PPARGC1B: variants seen among roughly 807,000 people sequenced by gnomAD.
The protein encoded by PPARGC1B is PPARG coactivator 1 beta, also known as peroxisome proliferator-activated receptor gamma coactivator 1-beta.
A neutral mutation model predicts 101.6 loss-of-function variants in PPARGC1B; 34 were observed. That is an observed-to-expected ratio of 0.33 (90% confidence interval 0.25 to 0.45). The LOEUF is 0.45. Ranked by LOEUF, PPARGC1B falls within the 20% of genes least tolerant of loss-of-function variation. PPARGC1B has a pLI of 1.00. For missense variants in PPARGC1B, 1,234 were observed against 1,317.6 expected (o/e 0.94, Z 0.98); for synonymous variants, 548 against 539.3 (o/e 1.02, Z -0.22).
chr5:149,732,996 G>C (rs747984978), intron 1 of PPARGC1B: 7 of 209,028 alleles, frequency 3.3e-5, no homozygotes, highest in African/African-American at 1.7e-4. Context: ...TGGTGGTGCC[G>C]CAAGAGAATC....
At position 149,730,333 on chromosome 5, in the gene PPARGC1B, C is replaced by T. The variant is rs1193234232; in HGVS notation, c.-10C>T. On this transcript the variant is annotated 5_prime_UTR_variant, in exon 1 of 12. Coordinates refer to ENST00000309241, the MANE Select transcript of PPARGC1B (RefSeq NM_133263.4). This position sits in a 1 kb window ranked among gnomAD's most constrained non-coding sequence, Gnocchi z 4.0. Reference sequence around the variant, plus strand: ...TTGACTCCGCCGCACGCTGCAGCCGCGGCTGGAAGATGGCGGGGAACGACT... The same window carrying T: ...TTGACTCCGCCGCACGCTGCAGCCGTGGCTGGAAGATGGCGGGGAACGACT... The T allele has an allele frequency of 1.3e-6, 2 of 1,554,664 alleles. No homozygotes were observed. Among genetic ancestry groups the T allele is most frequent in the African/African-American group, 1.4e-5 (1 of 71,138 alleles).
intron 1 of PPARGC1B, among the ~76,000 whole-genome samples, chr5:149,783,046 G>A (rs191654054): frequency 1.3e-4 from 20 of 152,112 alleles, no homozygotes; most frequent in African/African-American, 4.3e-4. Context: ...GTGGGCAGTG[G>A]AACTCCTGGG....
chr5:149,797,834 T>G (rs1757282884), intron 1 of PPARGC1B, among the ~76,000 whole-genome samples: 1 of 152,128 alleles, frequency 6.6e-6, no homozygotes, highest in Non-Finnish European at 1.5e-5. Flanking sequence ...GGCAGGAGAA[T>G]TGCTTGAATC....
At chr5:149,755,020 A>T (rs1755456653) in intron 1 of PPARGC1B, among the ~76,000 whole-genome samples, 2 of 142,344 alleles carry the variant, frequency 1.4e-5, no homozygotes, top group African/African-American at 5.5e-5. Context: ...ATATATACCC[A>T]CACATATACA....
chr5:149,805,183 T>C (rs1018999836), intron 1 of PPARGC1B, among the ~76,000 whole-genome samples: 2 of 152,154 alleles, frequency 1.3e-5, no homozygotes, highest in Admixed American at 6.5e-5. Context: ...ATAGATAACA[T>C]GGGGAATGCC....
Position 149,832,925 on chromosome 5 carries a change from G to A in PPARGC1B, c.852G>A (p.Met284Ile). Residue 284 changes from methionine (M) to isoleucine (I), a missense_variant, in exon 5 of 12, where the codon ATG (methionine) becomes ATA (isoleucine). Transcript: ENST00000309241. The surrounding 1 kb of genome is among the most constrained non-coding windows in gnomAD (Gnocchi z 4.9). ...DPGAPVSQED[M>I]QAMVQLIRYM... ...GTGCCCCGGTTTCCCAGGAAGACAT[G>A]CAGGCGATGGTGCAACTCATACGCT... 6.2e-7 allele frequency: 1 copy of A among 1,613,202 alleles called. No homozygotes were observed. The highest frequency in any genetic ancestry group is 8.5e-7 in the Non-Finnish European group (1 of 1,180,026).
chr5:149,762,521 A>G (rs1351255407), intron 1 of PPARGC1B, among the ~76,000 whole-genome samples: 1 of 152,028 alleles, frequency 6.6e-6, no homozygotes, highest in Non-Finnish European at 1.5e-5. Flanking sequence ...TGACCCACCC[A>G]TGGGGCCTCT....
At chr5:149,733,941 T>C (rs1020325749) in intron 1 of PPARGC1B, among the ~76,000 whole-genome samples, 4 of 152,182 alleles carry the variant, frequency 2.6e-5, no homozygotes, top group South Asian at 2.1e-4. Context: ...ATGAGAAATA[T>C]GTAACATGAC....
At chr5:149,799,714 T>TTTTTTTTTTA (rs1757369566) in intron 1 of PPARGC1B, among the ~76,000 whole-genome samples, 2 of 144,222 alleles carry the variant, frequency 1.4e-5, no homozygotes, top group South Asian at 4.5e-4. Context: ...TTTTTTTTTT[T>TTTTTTTTTTA]GAGACGAAGT....
intron 1 of PPARGC1B, among the ~76,000 whole-genome samples, chr5:149,800,541 C>T (rs187236618): frequency 9.2e-5 from 14 of 152,372 alleles, no homozygotes; most frequent in Admixed American, 9.1e-4. Context: ...AATTTCTTCA[C>T]TTCAATTTCC....
intron 1 of PPARGC1B, among the ~76,000 whole-genome samples, chr5:149,796,007 G>A (rs1389770241): frequency 6.6e-6 from 1 of 152,084 alleles, no homozygotes; most frequent in Non-Finnish European, 1.5e-5. Context: ...ACTAAAATCT[G>A]AAGAGTGCCT....
At chr5:149,814,840 G>A (rs907444053) in intron 1 of PPARGC1B, among the ~76,000 whole-genome samples, 1 of 152,254 alleles carries the variant, frequency 6.6e-6, no homozygotes, top group Non-Finnish European at 1.5e-5. Context: ...CCTTTCAGAT[G>A]AGCGATGTGG....
intron 9 of PPARGC1B, among the ~76,000 whole-genome samples, chr5:149,841,800 C>T (rs1013654640): frequency 6.6e-6 from 1 of 152,158 alleles, no homozygotes; most frequent in Admixed American, 6.5e-5. Flanking sequence ...GTGGCTTCAG[C>T]CACTTTGCCC....
intron 7 of PPARGC1B, 34 bp downstream of exon 7, chr5:149,835,399 C>T (rs1759008226): frequency 6.3e-7 from 1 of 1,583,434 alleles, no homozygotes; most frequent in East Asian, 2.2e-5. Context: ...CAGGTGCCTT[C>T]AGGAAAACAC....
At chr5:149,781,525 TTGTG>T (rs1756599879) in intron 1 of PPARGC1B, among the ~76,000 whole-genome samples, 1 of 152,180 alleles carries the variant, frequency 6.6e-6, no homozygotes, top group African/African-American at 2.4e-5. Context: ...ATGGAGTCCT[TTGTG>T]TGAACACCAC....
In PPARGC1B at chr5:149,830,814, C is replaced by T. The variant is rs1172479571; in HGVS notation, c.513C>T (p.Asp171=). The T allele has an allele frequency of 1.9e-6, 3 of 1,614,240 alleles. No individual in the cohort carries two copies. In the Admixed American group the frequency reaches 5.0e-5, roughly 27 times the overall value. The change falls in exon 4 of 12, where the codon GAC becomes GAT. Residue 171 remains aspartate, a synonymous_variant. Transcript: ENST00000309241. ...CATCCTACCCAACATCAAGCTCTGA[C>T]ACCCAGAAGGAAGGGACCGCCTGGC... ...LATSYPTSSS[D]TQKEGTAWRQ...
intron 11 of PPARGC1B, 26 bp from the exon 12 acceptor site, chr5:149,847,432 C>A (rs752532767): frequency 2.2e-5 from 34 of 1,562,100 alleles, no homozygotes; most frequent in Non-Finnish European, 2.8e-5. Flanking sequence ...TTCCCCTCTT[C>A]CCTGCCTCTT....
intron 1 of PPARGC1B, among the ~76,000 whole-genome samples, chr5:149,784,632 A>ATCT (rs1452964125): frequency 3.6e-5 from 5 of 138,986 alleles, no homozygotes; most frequent in African/African-American, 1.4e-4. Context: ...CAGTGGCGCA[A>ATCT]TCTCGGCTCA....
chr5:149,755,168 C>A (rs542959318), intron 1 of PPARGC1B, among the ~76,000 whole-genome samples: 144 of 151,288 alleles, frequency 9.5e-4, no homozygotes, highest in Non-Finnish European at 1.7e-3. Flanking sequence ...CTTGGCCTCC[C>A]AAAGTGCTGG....
Sources: allele counts gnomAD v4.1 joint callset (sites outside exome capture counted in the v4.1 genomes callset), GRCh38; gene constraint gnomAD v4.1.1; non-coding constraint Gnocchi (gnomAD v3.1); transcripts MANE v1.5; gene names NCBI Gene and HGNC (gene_info 2026-07-23, HGNC 2026-07-21).